The following CDH13 variants were observed in gnomAD, a reference collection of about 807,000 sequenced individuals.
The protein encoded by CDH13 is cadherin-13.
In CDH13, 24 loss-of-function variants were observed where a neutral mutation model predicts 63.8. The ratio of observed to expected loss-of-function variants is 0.38; its 90% CI spans 0.27 to 0.53. The LOEUF is 0.53. CDH13 is among the 20% of genes least tolerant of loss of function. The pLI is 0.85. For synonymous variants in CDH13, 503 were observed against 355.3 expected, an observed-to-expected ratio of 1.42 and a Z score of -4.67; for missense variants, 1,049 against 903.1, an observed-to-expected ratio of 1.16 and a Z score of -2.07.
Position 83,340,006 on chromosome 16 carries a change from A to T in CDH13, c.637-4856A>T, listed in dbSNP as rs2090686701. ...AAAATCACACCAAGGCTAAGGCAAT[A>T]CAGGGCCCCCCAACACTCATCACCA... On this transcript the variant is annotated intron_variant, in intron 5 of 13. Transcript: ENST00000567109. 2.0e-5 allele frequency among the ~76,000 whole-genome samples: 3 copies of T among 152,170 alleles called. No individual in the cohort carries two copies. In the South Asian group the frequency reaches 6.2e-4, roughly 32 times the overall value.
At chr16:82,856,137 G>C (rs1438416695) in intron 1 of CDH13, among the ~76,000 whole-genome samples, 1 of 152,118 alleles carries the variant, frequency 6.6e-6, no homozygotes, top group East Asian at 1.9e-4. Context: ...AGCACTTTGG[G>C]AGGCCGAGGT....
At chr16:82,899,675 A>C (rs535607549) in intron 2 of CDH13, among the ~76,000 whole-genome samples, 4 of 152,248 alleles carry the variant, frequency 2.6e-5, no homozygotes, top group African/African-American at 9.6e-5. Flanking sequence ...GCATTTTTGC[A>C]CTGGTTTATA....
At chr16:83,740,227 C>T (rs1881004798) in intron 10 of CDH13, among the ~76,000 whole-genome samples, 1 of 151,880 alleles carries the variant, frequency 6.6e-6, no homozygotes, top group African/African-American at 2.4e-5. Flanking sequence ...ACCTTAGAGA[C>T]CATGGTTAAG....
At chr16:83,405,986 G>A (rs1186703302) in intron 6 of CDH13, among the ~76,000 whole-genome samples, 3 of 152,200 alleles carry the variant, frequency 2.0e-5, no homozygotes, top group East Asian at 1.9e-4. Flanking sequence ...CCTGGATCTC[G>A]GCTGCAGCTG....
chr16:83,721,266 G>C (rs1466651880), intron 10 of CDH13: 1 of 152,214 alleles, frequency 6.6e-6, no homozygotes, highest in East Asian at 1.9e-4. Context: ...CCAAAACTCA[G>C]TGGATTGGAG....
In CDH13 at chr16:83,164,045, G is replaced by T. The variant is rs997770182; in HGVS notation, c.483+38544G>T. On this transcript the variant is annotated intron_variant, in intron 4 of 13. Coordinates refer to ENST00000567109, the MANE Select transcript of CDH13 (RefSeq NM_001257.5). ...CCAACACTATAAAAAAGACATAGTT[G>T]TTATCTGTGTCTTACCCAGCTGGTA... 6.6e-5 allele frequency among the ~76,000 whole-genome samples: 10 copies of T among 151,978 alleles called. No individual in the cohort carries two copies. In the Admixed American group the frequency reaches 6.6e-4, roughly 10 times the overall value.
At chr16:83,189,627 T>C (rs919930089) in intron 4 of CDH13, among the ~76,000 whole-genome samples, 4 of 152,192 alleles carry the variant, frequency 2.6e-5, no homozygotes, top group African/African-American at 9.6e-5. Flanking sequence ...AGTTGCACTT[T>C]GTACTCTCCC....
intron 7 of CDH13, among the ~76,000 whole-genome samples, chr16:83,514,499 G>A (rs1385986376): frequency 1.2e-4 from 19 of 152,082 alleles, no homozygotes; most frequent in Non-Finnish European, 2.6e-4. Flanking sequence ...CAAAAAATTA[G>A]CCGGGCATGG....
chr16:83,140,240 C>T (rs1345580955), intron 4 of CDH13, among the ~76,000 whole-genome samples: 1 of 152,132 alleles, frequency 6.6e-6, no homozygotes, highest in Admixed American at 6.5e-5. Flanking sequence ...TGAGGAGCTC[C>T]ACTTCTAATC....
At chr16:83,027,118 G>A (rs988819088) in intron 2 of CDH13, among the ~76,000 whole-genome samples, 8 of 74,508 alleles carry the variant, frequency 1.1e-4, no homozygotes, top group East Asian at 8.7e-4. Flanking sequence ...CCCCCCCACC[G>A]CCCCGCCTCC....
chr16:82,696,828 T>C (rs2030356467), intron 1 of CDH13, among the ~76,000 whole-genome samples: 1 of 152,214 alleles, frequency 6.6e-6, no homozygotes, highest in Non-Finnish European at 1.5e-5. Context: ...TCTTTCACGA[T>C]ACTGTTGTCA....
intron 2 of CDH13, among the ~76,000 whole-genome samples, chr16:82,909,820 T>A (rs912288519): frequency 6.6e-6 from 1 of 152,192 alleles, no homozygotes; most frequent in Non-Finnish European, 1.5e-5. Context: ...CGATATCAGA[T>A]GTACTTCGCA....
At chr16:82,684,300 T>G (rs1914844780) in intron 1 of CDH13, among the ~76,000 whole-genome samples, 2 of 152,196 alleles carry the variant, frequency 1.3e-5, no homozygotes, top group South Asian at 4.1e-4. Flanking sequence ...TTTCCTTGAT[T>G]ACCCTTTAAG....
intron 13 of CDH13, among the ~76,000 whole-genome samples, chr16:83,792,352 C>G (rs1167055452): frequency 2.0e-5 from 3 of 151,306 alleles, no homozygotes; most frequent in African/African-American, 7.2e-5. Context: ...AGCCCTGGGA[C>G]GAGTCACTTA....
At chr16:83,349,645 G>A (rs922082341) in intron 6 of CDH13, among the ~76,000 whole-genome samples, 1 of 151,630 alleles carries the variant, frequency 6.6e-6, no homozygotes, top group African/African-American at 2.4e-5. Flanking sequence ...TTGTTGCCCA[G>A]GCTGGAGTGC....
intron 10 of CDH13, among the ~76,000 whole-genome samples, chr16:83,741,691 C>T (rs1340803321): frequency 6.6e-6 from 1 of 152,122 alleles, no homozygotes; most frequent in Non-Finnish European, 1.5e-5. Flanking sequence ...CCCAATATTA[C>T]TTTATGACAT....
At chr16:83,656,046 C>T (rs1912839278) in intron 8 of CDH13, among the ~76,000 whole-genome samples, 1 of 152,014 alleles carries the variant, frequency 6.6e-6, no homozygotes, top group Non-Finnish European at 1.5e-5. Context: ...TTTTTCATCA[C>T]CCGAGGGGAA....
intron 6 of CDH13, among the ~76,000 whole-genome samples, chr16:83,401,027 A>C: frequency 6.6e-6 from 1 of 151,968 alleles, no homozygotes; most frequent in East Asian, 1.9e-4. Context: ...ACGTGGTGAA[A>C]CCCCGTCTGT....
chr16:82,633,846 C>A (rs1162532477), intron 1 of CDH13, among the ~76,000 whole-genome samples: 3 of 152,238 alleles, frequency 2.0e-5, no homozygotes, highest in African/African-American at 4.8e-5. Context: ...CTGTCTGCCT[C>A]ATCCCATACC....
Sources: allele counts gnomAD v4.1 joint callset (sites outside exome capture counted in the v4.1 genomes callset), GRCh38; gene constraint gnomAD v4.1.1; transcripts MANE v1.5; gene names NCBI Gene and HGNC (gene_info 2026-07-23, HGNC 2026-07-21).